Variants in IL1RAPL2 observed in about 807,000 individuals in gnomAD.
IL1RAPL2 encodes the protein interleukin 1 receptor accessory protein like 2.
In IL1RAPL2, 3 loss-of-function variants were observed where a neutral mutation model predicts 44.1. The observed-to-expected ratio is 0.07, with a 90% CI of 0.03 to 0.18. The LOEUF is 0.18. Among genes scored for constraint, IL1RAPL2 ranks in the 10% least tolerant of loss-of-function variants. The probability of loss-of-function intolerance (pLI) is 1.00; values close to 1 mark genes in which losing one functional copy is unlikely to be tolerated. For missense variants in IL1RAPL2, 391 were observed against 496.4 expected (o/e 0.79, Z 2.02); for synonymous variants, 181 against 178.8 (o/e 1.01, Z -0.10).
At chrX:104,860,245 G>T (rs934600485) in intron 2 of IL1RAPL2, among the ~76,000 whole-genome samples, 1 of 111,832 alleles carries the variant, frequency 8.9e-6, no homozygotes, top group African/African-American at 3.2e-5. Context: ...CAAAGAAATA[G>T]CTTATGGAGA....
chrX:105,380,453 G>A (rs1168361862), intron 5 of IL1RAPL2, among the ~76,000 whole-genome samples: 9 of 110,682 alleles, frequency 8.1e-5, no homozygotes, highest in Non-Finnish European at 1.5e-4. Flanking sequence ...CTGATTGAAA[G>A]GAGGATATGA....
At chrX:105,728,880 T>A (rs868180490) in intron 7 of IL1RAPL2, among the ~76,000 whole-genome samples, 8 of 110,760 alleles carry the variant, frequency 7.2e-5, no homozygotes, top group Non-Finnish European at 1.1e-4. Flanking sequence ...CATCTCTCCC[T>A]TTCTCCTCAA....
chrX:105,019,504 T>G (rs2031246232), intron 2 of IL1RAPL2, among the ~76,000 whole-genome samples: 1 of 111,557 alleles, frequency 9.0e-6, no homozygotes, highest in East Asian at 2.9e-4. Flanking sequence ...GAGAGAAATA[T>G]CCAACCCTCA....
chrX:105,243,180 A>G (rs1301807139), intron 4 of IL1RAPL2, among the ~76,000 whole-genome samples: 1 of 110,834 alleles, frequency 9.0e-6, no homozygotes, highest in Non-Finnish European at 1.9e-5. Flanking sequence ...CCCACATGTC[A>G]AGGGAGGGAC....
chrX:105,063,025 C>T (rs1047190574), intron 2 of IL1RAPL2, among the ~76,000 whole-genome samples: 5 of 110,966 alleles, frequency 4.5e-5, no homozygotes, highest in African/African-American at 1.6e-4. Flanking sequence ...AACTTCGTAG[C>T]CCTATTTTGT....
At chrX:104,951,134 G>A (rs763241725) in intron 2 of IL1RAPL2, among the ~76,000 whole-genome samples, 3 of 112,068 alleles carry the variant, frequency 2.7e-5, no homozygotes, top group East Asian at 5.7e-4. Context: ...GAAATCACCC[G>A]TCTTCTGCGT....
At chrX:105,035,249 C>G (rs932798963) in intron 2 of IL1RAPL2, among the ~76,000 whole-genome samples, 1 of 111,652 alleles carries the variant, frequency 9.0e-6, no homozygotes, top group African/African-American at 3.3e-5. Flanking sequence ...CACCCACTGT[C>G]CTGCACCCAC....
At chrX:104,971,742 C>T (rs2030241071) in intron 2 of IL1RAPL2, among the ~76,000 whole-genome samples, 1 of 111,205 alleles carries the variant, frequency 9.0e-6, no homozygotes, top group Non-Finnish European at 1.9e-5. Context: ...AAAACCACTC[C>T]ATAGTGCCAC....
chrX:104,934,423 T>G (rs2147699086), intron 2 of IL1RAPL2, among the ~76,000 whole-genome samples: 1 of 111,047 alleles, frequency 9.0e-6, no homozygotes, highest in Admixed American at 9.6e-5. Context: ...AAATTAAAAC[T>G]CAACCACAGA....
chrX:104,775,727 AG>A (rs753300366), intron 2 of IL1RAPL2, among the ~76,000 whole-genome samples: 40 of 111,888 alleles, frequency 3.6e-4, no homozygotes, highest in Non-Finnish European at 1.5e-4. Context: ...CATTCGAAGA[AG>A]CACTTGTGTT....
At chrX:105,416,994 A>G (rs2035737842) in intron 5 of IL1RAPL2, among the ~76,000 whole-genome samples, 3 of 112,105 alleles carry the variant, frequency 2.7e-5, no homozygotes, top group Non-Finnish European at 5.6e-5. Context: ...GATCTAGCTC[A>G]GTTTTGTAAA....
intron 1 of IL1RAPL2, among the ~76,000 whole-genome samples, chrX:104,635,365 A>G (rs888064432): frequency 1.1e-4 from 12 of 109,735 alleles, no homozygotes; most frequent in Admixed American, 1.9e-4. Flanking sequence ...CGTTCTCTGT[A>G]TTTCCTGAAT....
intron 5 of IL1RAPL2, among the ~76,000 whole-genome samples, chrX:105,283,177 T>C (rs1442763153): frequency 1.8e-5 from 2 of 111,529 alleles, no homozygotes; most frequent in Non-Finnish European, 3.8e-5. Flanking sequence ...ATAGATAAAC[T>C]AAAAAAGGTA....
intron 6 of IL1RAPL2, among the ~76,000 whole-genome samples, chrX:105,672,765 G>A (rs2037835020): frequency 8.9e-6 from 1 of 112,007 alleles, no homozygotes; most frequent in African/African-American, 3.2e-5. Context: ...GCATGGGCAG[G>A]GATGGTACCA....
rs187183661 is a variant in IL1RAPL2 at position 104,642,959 on chromosome X, G to A, written c.-19-15936G>A. Among the ~76,000 whole-genome samples, 114 of 112,147 alleles carry A rather than the reference G, an allele frequency of 1.0e-3. 1 individual carries two copies. Among genetic ancestry groups the A allele is most frequent in the African/African-American group, 3.1e-3 (97 of 30,905 alleles). On this transcript the variant is annotated intron_variant, in intron 1 of 10. Coordinates refer to ENST00000372582, the MANE Select transcript of IL1RAPL2 (RefSeq NM_017416.2). ...TATTAGGAATGTTAGAATAACATCCGTGTACATGAGTCTGACTGTATTTTC... is the reference window on the plus strand; with the variant it reads ...TATTAGGAATGTTAGAATAACATCCATGTACATGAGTCTGACTGTATTTTC...
At chrX:104,944,228 C>G (rs747417462) in intron 2 of IL1RAPL2, among the ~76,000 whole-genome samples, 16 of 111,960 alleles carry the variant, frequency 1.4e-4, no homozygotes, top group Non-Finnish European at 2.8e-4. Flanking sequence ...TATACCTCCT[C>G]TAGTAGAAAA....
At chrX:104,610,022 C>T (rs889721785) in intron 1 of IL1RAPL2, among the ~76,000 whole-genome samples, 9 of 111,586 alleles carry the variant, frequency 8.1e-5, no homozygotes, top group African/African-American at 2.6e-4. Context: ...TGGTGACCTA[C>T]GGATGGAGTT....
intron 2 of IL1RAPL2, among the ~76,000 whole-genome samples, chrX:104,972,185 C>G (rs1384318670): frequency 8.9e-6 from 1 of 111,879 alleles, no homozygotes; most frequent in Non-Finnish European, 1.9e-5. Context: ...CTTGCATGTT[C>G]TGATCCAATA....
intron 2 of IL1RAPL2, among the ~76,000 whole-genome samples, chrX:104,896,581 A>T (rs1452363872): frequency 9.0e-6 from 1 of 111,611 alleles, no homozygotes; most frequent in Non-Finnish European, 1.9e-5. Flanking sequence ...CACACCAATC[A>T]GTGCTCTATC....
Sources: allele counts gnomAD v4.1 joint callset (sites outside exome capture counted in the v4.1 genomes callset), GRCh38; gene constraint gnomAD v4.1.1; transcripts MANE v1.5; gene names NCBI Gene and HGNC (gene_info 2026-07-23, HGNC 2026-07-21).